The following PKHD1 variants were observed in gnomAD, a reference collection of about 807,000 sequenced individuals.
The protein encoded by PKHD1 is fibrocystin.
A neutral mutation model predicts 412.0 loss-of-function variants in PKHD1; 291 were observed. That is an observed-to-expected ratio of 0.71 (90% CI 0.64 to 0.78). The LOEUF (loss-of-function observed/expected upper bound fraction) is 0.78. PKHD1 is among the 30% of genes least tolerant of loss of function. The pLI, the probability that PKHD1 is intolerant of heterozygous loss-of-function variation, is 0.00. For synonymous variants in PKHD1, 1,777 were observed against 1,821.5 expected (o/e 0.98, Z 0.62); for missense variants, 4,825 against 4,950.7 (o/e 0.97, Z 0.76).
chr6:51,692,261 T>TCACACATA (rs1554196066), intron 60 of PKHD1, among the ~76,000 whole-genome samples: 4 of 147,430 alleles, frequency 2.7e-5, no homozygotes, highest in Admixed American at 2.0e-4. Context: ...ATCACATAAT[T>TCACACATA]CACACACACA....
intron 53 of PKHD1, among the ~76,000 whole-genome samples, chr6:51,777,483 T>C (rs931514533): frequency 5.9e-5 from 9 of 151,990 alleles, no homozygotes; most frequent in Middle Eastern, 3.2e-3. Context: ...ATGCCACTCC[T>C]CAGCTGAGAG....
chr6:51,747,960 A>G lies in PKHD1; in HGVS notation c.9656T>C (p.Val3219Ala). Residue 3219 changes from valine (V) to alanine (A), a missense_variant, in exon 58 of 67, where the codon GTG becomes GCG. Coordinates refer to ENST00000371117, the MANE Select transcript of PKHD1 (RefSeq NM_138694.4). Reference sequence around the variant, plus strand: ...TGTCAAGTTGGCTGAGTGCGGCTTCACTTTGTCCTGAATGCAGTCAAAAGA... The same window carrying G: ...TGTCAAGTTGGCTGAGTGCGGCTTCGCTTTGTCCTGAATGCAGTCAAAAGA... The part of the protein sequence containing the change: ...SSSFDCIQDK[V>A]KPHSANLTST... 1 of 1,614,062 alleles carries G rather than the reference A, an allele frequency of 6.2e-7. No individual in the cohort carries two copies. The highest frequency in any genetic ancestry group is 8.5e-7 in the Non-Finnish European group (1 of 1,179,956).
At chr6:51,740,899 G>C (rs917796102) in intron 60 of PKHD1, among the ~76,000 whole-genome samples, 1 of 152,134 alleles carries the variant, frequency 6.6e-6, no homozygotes, top group Non-Finnish European at 1.5e-5. Flanking sequence ...CCTTGCAGTT[G>C]GTACCTATAG....
chr6:51,950,224 T>TATATATATATAC (rs2127870773), intron 36 of PKHD1, among the ~76,000 whole-genome samples: 1 of 85,464 alleles, frequency 1.2e-5, no homozygotes, highest in African/African-American at 4.5e-5. Context: ...AAAAAAAATA[T>TATATATATATAC]ATATATATAT....
chr6:51,943,244 A>G (rs1788855416), intron 36 of PKHD1, among the ~76,000 whole-genome samples: 1 of 151,456 alleles, frequency 6.6e-6, no homozygotes, highest in Non-Finnish European at 1.5e-5. Context: ...ACTGGACAAT[A>G]CTTTTACCAC....
intron 51 of PKHD1, among the ~76,000 whole-genome samples, chr6:51,833,699 T>C (rs1376535150): frequency 6.6e-6 from 1 of 152,086 alleles, no homozygotes; most frequent in Non-Finnish European, 1.5e-5. Flanking sequence ...GCATGGGTGA[T>C]CCAGATGACA....
chr6:52,007,954 T>C (rs1031903336), intron 35 of PKHD1, among the ~76,000 whole-genome samples: 5 of 152,170 alleles, frequency 3.3e-5, no homozygotes, highest in African/African-American at 1.2e-4. Flanking sequence ...GAGTTTGCCA[T>C]AAATCCCTGC....
chr6:51,701,346 T>C (rs779400471), intron 60 of PKHD1, among the ~76,000 whole-genome samples: 13 of 152,088 alleles, frequency 8.5e-5, no homozygotes, highest in Non-Finnish European at 1.6e-4. Context: ...GCTGCTTGAG[T>C]CATTATTGCC....
intron 52 of PKHD1, among the ~76,000 whole-genome samples, chr6:51,816,176 T>C (rs1018183624): frequency 3.3e-5 from 5 of 152,148 alleles, no homozygotes; most frequent in African/African-American, 4.8e-5. Context: ...AAATATTATC[T>C]ACATAGTAAA....
intron 39 of PKHD1, 110 bp from the exon 40 acceptor site, chr6:51,909,584 T>C (rs1782657796): frequency 1.3e-6 from 1 of 790,394 alleles, no homozygotes; most frequent in Middle Eastern, 2.3e-4. Context: ...CATTACTGTT[T>C]ATTTCATTTA....
At chr6:51,852,851 G>A (rs1333803373) in intron 49 of PKHD1, among the ~76,000 whole-genome samples, 1 of 151,868 alleles carries the variant, frequency 6.6e-6, no homozygotes, top group East Asian at 1.9e-4. Context: ...ATGGGTGCCT[G>A]ACTCCTTATC....
In PKHD1 at chr6:51,859,443, G is replaced by A. The variant is rs147679139; in HGVS notation, c.7734-3373C>T. 3.4e-3 allele frequency among the ~76,000 whole-genome samples: 512 copies of A among 149,022 alleles called. 13 individuals are homozygous for A. The East Asian group carries it at 0.049, about 14-fold the overall frequency. ...CGGGAGGCTGAGGCAGGAGAATGGC[G>A]TGAACCTGGGAGGCAGAGCCTGTAG... On this transcript the variant is annotated intron_variant, in intron 48 of 66. Coordinates refer to ENST00000371117, the MANE Select transcript of PKHD1 (RefSeq NM_138694.4).
At chr6:52,059,037 G>C (rs772536624) in intron 15 of PKHD1, among the ~76,000 whole-genome samples, 2 of 152,092 alleles carry the variant, frequency 1.3e-5, no homozygotes, top group Non-Finnish European at 2.9e-5. Context: ...GTGATTCTTT[G>C]TCAATAGCAT....
intron 66 of PKHD1, among the ~76,000 whole-genome samples, chr6:51,620,905 G>A (rs1049888297): frequency 2.6e-5 from 4 of 151,438 alleles, no homozygotes; most frequent in Non-Finnish European, 5.9e-5. Context: ...ATAAGCCCAT[G>A]TTATTCACAT....
intron 40 of PKHD1, among the ~76,000 whole-genome samples, chr6:51,906,544 C>A (rs1488728930): frequency 6.7e-6 from 1 of 150,100 alleles, no homozygotes; most frequent in Non-Finnish European, 1.5e-5. Flanking sequence ...TGAAATTCAA[C>A]AATCAAGTGT....
intron 60 of PKHD1, chr6:51,721,625 A>G: frequency 9.1e-7 from 1 of 1,098,516 alleles, no homozygotes; most frequent in Non-Finnish European, 1.1e-6. Context: ...ACTAAAGGCA[A>G]AGCTTAAGCA....
chr6:51,748,804 C>A, intron 57 of PKHD1, 139 bp from the exon 58 acceptor site: 1 of 756,680 alleles, frequency 1.3e-6, no homozygotes, highest in South Asian at 1.5e-5. Context: ...ATATTTCACA[C>A]CATAGATTCT....
intron 25 of PKHD1, 148 bp downstream of exon 25, chr6:52,044,818 G>C: frequency 1.2e-6 from 1 of 822,028 alleles, no homozygotes; most frequent in Non-Finnish European, 2.1e-6. Flanking sequence ...TGTGGAGGTA[G>C]AAAAAGGACA....
In PKHD1 at chr6:51,800,379, GCAA is replaced by G. The variant is rs146454032; in HGVS notation, c.8303-9009_8303-9007del. 4.4e-4 allele frequency among the ~76,000 whole-genome samples: 67 copies of G among 152,064 alleles called. 1 individual carries two copies. The highest frequency in any genetic ancestry group is 1.4e-3 in the African/African-American group (57 of 41,490). On this transcript the variant is annotated intron_variant, in intron 52 of 66. Coordinates refer to ENST00000371117, the MANE Select transcript of PKHD1 (RefSeq NM_138694.4). ...CCCTGAATTTATCCCTGCACCAAATGCAACAACAACAACAACAAAAAAGACTCA... is the reference window on the plus strand; with the variant it reads ...CCCTGAATTTATCCCTGCACCAAATGCAACAACAACAACAAAAAAGACTCA...
Sources: allele counts gnomAD v4.1 joint callset (sites outside exome capture counted in the v4.1 genomes callset), GRCh38; gene constraint gnomAD v4.1.1; transcripts MANE v1.5; gene names NCBI Gene and HGNC (gene_info 2026-07-23, HGNC 2026-07-21).